The following DYNC2LI1 variants were observed in gnomAD, a reference collection of about 807,000 sequenced individuals.
DYNC2LI1 encodes the protein cytoplasmic dynein 2 light intermediate chain 1.
DYNC2LI1 carries 45 observed loss-of-function variants against 51.9 expected under a neutral mutation model. The ratio of observed to expected loss-of-function variants is 0.87; its 90% CI spans 0.68 to 1.11. The LOEUF (loss-of-function observed/expected upper bound fraction) is 1.11, where lower values mean the gene tolerates loss of function less well. Among genes scored for constraint, DYNC2LI1 ranks in the 50% most tolerant of loss-of-function variants. The pLI is 0.00. For missense variants in DYNC2LI1, 490 were observed against 417.4 expected (o/e 1.17, Z -1.51); for synonymous variants, 130 against 137.8 (o/e 0.94, Z 0.40).
the DYNC2LI1 span, among the ~76,000 whole-genome samples, chr2:43,823,110 C>T: frequency 4.0e-5 from 6 of 151,884 alleles, no homozygotes; most frequent in South Asian, 4.1e-4. Flanking sequence ...ATCCCCACCC[C>T]GGAAATCTAC....
At chr2:43,788,912 G>T (rs912748648) in intron 4 of DYNC2LI1, among the ~76,000 whole-genome samples, 1 of 152,212 alleles carries the variant, frequency 6.6e-6, no homozygotes, top group African/African-American at 2.4e-5. Flanking sequence ...GGGGTTTACA[G>T]GTGTGAACCA....
At chr2:43,824,133 C>A in the DYNC2LI1 span, 2 of 1,614,184 alleles carry the variant, frequency 1.2e-6, no homozygotes, top group South Asian at 1.1e-5. Context: ...AAACAAACAA[C>A]CCTGTTTTAA....
downstream of DYNC2LI1, among the ~76,000 whole-genome samples, chr2:43,812,159 T>C (rs548628147): frequency 2.4e-4 from 37 of 152,230 alleles, no homozygotes; most frequent in Non-Finnish European, 4.7e-4. Flanking sequence ...TAAGCGATCC[T>C]TCCACATCAG....
chr2:43,785,985 A>C lies in DYNC2LI1; in HGVS notation c.162-1196A>C, dbSNP rs1460404898. Among the ~76,000 whole-genome samples the C allele has an allele frequency of 2.6e-5, 4 of 152,228 alleles. No homozygotes were observed. In the East Asian group the frequency reaches 5.8e-4, roughly 22 times the overall value. ...TATTTTATGTGTTCTTTACCATAAT[A>C]AAAAATTAAATATATATACACCATA... On this transcript the variant is annotated intron_variant, in intron 3 of 12. Coordinates refer to ENST00000260605, the MANE Select transcript of DYNC2LI1 (RefSeq NM_016008.4).
intron 4 of DYNC2LI1, 57 bp downstream of exon 4, chr2:43,787,307 G>C: frequency 7.1e-7 from 1 of 1,411,268 alleles, no homozygotes; most frequent in Non-Finnish European, 1.0e-6. Flanking sequence ...TAATGCTGCT[G>C]ACTTTGTTTT....
chr2:43,781,849 GC>G (rs1558666405), intron 2 of DYNC2LI1: 2 of 152,002 alleles, frequency 1.3e-5, no homozygotes, highest in South Asian at 4.2e-4. Flanking sequence ...TGATCCACCC[GC>G]CTCGGCCTCC....
At chr2:43,813,721 T>TTTG (rs1666631858), downstream of DYNC2LI1, among the ~76,000 whole-genome samples, 1 of 128,314 alleles carries the variant, frequency 7.8e-6, no homozygotes. Flanking sequence ...TTTTTTTTTT[T>TTTG]TTTTTTTTTT....
intron 5 of DYNC2LI1, chr2:43,792,884 T>A: frequency 7.4e-7 from 1 of 1,350,440 alleles, no homozygotes; most frequent in Non-Finnish European, 9.7e-7. Context: ...ATACCACAGT[T>A]CAGTTATCCG....
the DYNC2LI1 span, chr2:43,822,963 A>C: frequency 6.2e-7 from 1 of 1,612,610 alleles, no homozygotes; most frequent in Non-Finnish European, 8.5e-7. Context: ...GTTTCAGAAC[A>C]GTCAGTCACC....
At chr2:43,780,198 T>A (rs1233932382) in intron 2 of DYNC2LI1, among the ~76,000 whole-genome samples, 1 of 152,152 alleles carries the variant, frequency 6.6e-6, no homozygotes, top group Non-Finnish European at 1.5e-5. Context: ...TGTTTGTACA[T>A]GTGATTTTGG....
chr2:43,808,293 T>C (rs961276728), intron 12 of DYNC2LI1, among the ~76,000 whole-genome samples: 1 of 151,862 alleles, frequency 6.6e-6, no homozygotes, highest in East Asian at 1.9e-4. Flanking sequence ...GGAAAAATTC[T>C]TCCTAAGTCT....
chr2:43,789,785 T>G, intron 5 of DYNC2LI1, 64 bp downstream of exon 5: 1 of 1,447,326 alleles, frequency 6.9e-7, no homozygotes, highest in Non-Finnish European at 9.5e-7. Flanking sequence ...GGAATATGAG[T>G]TGGCTTTTCT....
downstream of DYNC2LI1, chr2:43,814,476 C>A: frequency 6.3e-7 from 1 of 1,584,700 alleles, no homozygotes; most frequent in Non-Finnish European, 8.7e-7. Context: ...AGAATACTTA[C>A]CACAAGTGAA....
In DYNC2LI1 at chr2:43,795,148, A is replaced by G. The variant is rs997625527; in HGVS notation, c.507+505A>G. ...GCTATGATGGTAACACAAGTTCTTC[A>G]AATACAATAATAAATATCATCATCT... On this transcript the variant is annotated intron_variant, in intron 6 of 12. Transcript: ENST00000260605. 7.1e-6 allele frequency: 7 copies of G among 991,482 alleles called. No individual in the cohort carries two copies. The African/African-American group carries it at 1.2e-4, about 17-fold the overall frequency. The allele number at this position is 991,482 out of a possible 1,614,324, so 61.4% of individuals were successfully genotyped here.
At chr2:43,776,129 G>A (rs548221170) in intron 1 of DYNC2LI1, among the ~76,000 whole-genome samples, 2 of 151,868 alleles carry the variant, frequency 1.3e-5, no homozygotes, top group East Asian at 3.9e-4. Context: ...TTGGTTTGCT[G>A]CACCCATTAA....
chr2:43,796,461 A>G (rs1236157325), intron 7 of DYNC2LI1, among the ~76,000 whole-genome samples: 1 of 152,246 alleles, frequency 6.6e-6, no homozygotes, highest in African/African-American at 2.4e-5. Context: ...TTAGAATTCC[A>G]CACTATGAAA....
the DYNC2LI1 span, chr2:43,819,890 A>T: frequency 3.1e-6 from 5 of 1,613,294 alleles, no homozygotes; most frequent in Admixed American, 5.0e-5. Flanking sequence ...TCCCAATCTA[A>T]ATTTTTTGAA....
chr2:43,818,961 C>G, the DYNC2LI1 span, among the ~76,000 whole-genome samples: 4 of 152,192 alleles, frequency 2.6e-5, no homozygotes, highest in Non-Finnish European at 5.9e-5. Flanking sequence ...GTCAGCCTCT[C>G]TCCACGAAGT....
downstream of DYNC2LI1, chr2:43,813,426 A>G (rs538413682): frequency 3.5e-5 from 26 of 741,788 alleles, no homozygotes; most frequent in African/African-American, 8.7e-5. Context: ...CACTTTAGCA[A>G]GCCCAGAGTT....
Sources: gnomAD v4.1 joint callset for allele counts (sites outside exome capture counted in the v4.1 genomes callset) on GRCh38, gnomAD v4.1.1 for gene constraint, MANE v1.5 for transcripts, NCBI Gene and HGNC (gene_info 2026-07-23, HGNC 2026-07-21) for gene names.